CADM2: variants seen among roughly 807,000 people sequenced by gnomAD.
CADM2 encodes cell adhesion molecule 2, also known as immunoglobulin superfamily member 4D.
In CADM2, 12 loss-of-function variants were observed where a neutral mutation model predicts 49.8. The observed-to-expected ratio is 0.24, with a 90% CI of 0.15 to 0.39. The LOEUF (loss-of-function observed/expected upper bound fraction) is 0.39, where lower values mean the gene tolerates loss of function less well. CADM2 is among the 10% of genes least tolerant of loss of function. The probability of loss-of-function intolerance (pLI) is 1.00; values close to 1 mark genes in which losing one functional copy is unlikely to be tolerated. For synonymous variants in CADM2, 214 were observed against 175.4 expected, an observed-to-expected ratio of 1.22 and a Z score of -1.74; for missense variants, 378 against 492.3, an observed-to-expected ratio of 0.77 and a Z score of 2.20.
At position 85,445,140 on chromosome 3, in the gene CADM2, C is replaced by T. The variant is rs545212305; in HGVS notation, c.62-281382C>T. 9.9e-5 allele frequency among the ~76,000 whole-genome samples: 15 copies of T among 152,000 alleles called. No homozygotes were observed. In the South Asian group the frequency reaches 2.7e-3, roughly 27 times the overall value. ...ATCTTCGTTTTGTTGACGAGTAAAC[C>T]GAAACTTAGGGAATTTCAATGATTT... On this transcript the variant is annotated intron_variant, in intron 1 of 9. Coordinates refer to ENST00000383699, the MANE Select transcript of CADM2 (RefSeq NM_001167675.2).
At chr3:85,056,754 C>T (rs1374030834) in intron 1 of CADM2, among the ~76,000 whole-genome samples, 5 of 152,026 alleles carry the variant, frequency 3.3e-5, no homozygotes. Flanking sequence ...TTAATTACTT[C>T]TCATCTTCTG....
At chr3:85,434,892 T>A (rs1441300802) in intron 1 of CADM2, among the ~76,000 whole-genome samples, 2 of 152,160 alleles carry the variant, frequency 1.3e-5, no homozygotes, top group Non-Finnish European at 2.9e-5. Flanking sequence ...GTAATTTTTA[T>A]CCACTTAACA....
chr3:85,070,841 T>A (rs2036704853), intron 1 of CADM2, among the ~76,000 whole-genome samples: 2 of 151,700 alleles, frequency 1.3e-5, no homozygotes, highest in African/African-American at 4.8e-5. Context: ...TATAAAAAAA[T>A]AGCTGGGCTG....
intron 3 of CADM2, among the ~76,000 whole-genome samples, chr3:85,816,523 C>G (rs1273781500): frequency 6.6e-6 from 1 of 152,052 alleles, no homozygotes; most frequent in African/African-American, 2.4e-5. Flanking sequence ...TGTATAGACT[C>G]TATGCAGGGT....
chr3:85,387,701 T>C (rs981058140), intron 1 of CADM2, among the ~76,000 whole-genome samples: 1 of 152,198 alleles, frequency 6.6e-6, no homozygotes, highest in African/African-American at 2.4e-5. Flanking sequence ...TGCTATTATT[T>C]TGAAATATAT....
intron 1 of CADM2, among the ~76,000 whole-genome samples, chr3:85,025,937 C>T (rs6782644): frequency 0.13 from 19,650 of 151,986 alleles, 1,655 homozygotes; most frequent in Admixed American, 0.27. Context: ...ATGCCATGCT[C>T]AAAGAAATAA....
chr3:84,967,977 G>C (rs1251760922), intron 1 of CADM2, among the ~76,000 whole-genome samples: 1 of 152,018 alleles, frequency 6.6e-6, no homozygotes, highest in African/African-American at 2.4e-5. Flanking sequence ...ATTAGCATAT[G>C]CTAGGCTGAG....
intron 1 of CADM2, among the ~76,000 whole-genome samples, chr3:85,354,618 C>CGAGAGAGAGAGAG (rs1553712787): frequency 7.7e-6 from 1 of 130,158 alleles, no homozygotes; most frequent in Non-Finnish European, 1.6e-5. Flanking sequence ...GAATACCTAA[C>CGAGAGAGAGAGAG]AGAGAGAGAG....
At chr3:85,455,898 C>A (rs1410660311) in intron 1 of CADM2, among the ~76,000 whole-genome samples, 4 of 152,120 alleles carry the variant, frequency 2.6e-5, no homozygotes, top group Non-Finnish European at 5.9e-5. Context: ...GGATATTCTG[C>A]TTCATGATGA....
At chr3:85,210,291 T>C (rs2041746768) in intron 1 of CADM2, among the ~76,000 whole-genome samples, 2 of 152,200 alleles carry the variant, frequency 1.3e-5, no homozygotes, top group South Asian at 4.1e-4. Flanking sequence ...GATTTGTGTA[T>C]GTTGAACCAT....
At chr3:85,344,731 T>C (rs1335544026) in intron 1 of CADM2, among the ~76,000 whole-genome samples, 1 of 152,170 alleles carries the variant, frequency 6.6e-6, no homozygotes, top group Non-Finnish European at 1.5e-5. Flanking sequence ...GGTAACTTTA[T>C]AGAAAATTAT....
intron 2 of CADM2, among the ~76,000 whole-genome samples, chr3:85,760,180 T>G (rs1044753717): frequency 3.3e-5 from 5 of 152,150 alleles, no homozygotes; most frequent in Admixed American, 2.6e-4. Flanking sequence ...AAGAAATGTT[T>G]TTCTAAAAAT....
intron 8 of CADM2, among the ~76,000 whole-genome samples, chr3:86,035,527 C>T (rs989801158): frequency 2.6e-5 from 4 of 151,992 alleles, no homozygotes; most frequent in Non-Finnish European, 4.4e-5. Context: ...AATAAGAACG[C>T]ATATATAGTA....
intron 3 of CADM2, among the ~76,000 whole-genome samples, chr3:85,803,531 A>AGATAGATAGATC (rs2072202014): frequency 6.6e-6 from 1 of 151,472 alleles, no homozygotes; most frequent in African/African-American, 2.4e-5. Flanking sequence ...ATAGATAGAT[A>AGATAGATAGATC]GATCAATTGA....
intron 1 of CADM2, among the ~76,000 whole-genome samples, chr3:85,640,335 G>T (rs1441199893): frequency 6.6e-6 from 1 of 152,176 alleles, no homozygotes; most frequent in Non-Finnish European, 1.5e-5. Context: ...CCATGTTTAA[G>T]AAGTGATTCC....
intron 1 of CADM2, among the ~76,000 whole-genome samples, chr3:85,442,943 A>G (rs1407126192): frequency 6.6e-6 from 1 of 151,842 alleles, no homozygotes; most frequent in Non-Finnish European, 1.5e-5. Context: ...TTCCTGATAT[A>G]TTTAATATAT....
chr3:85,869,448 T>C (rs1386957396), intron 3 of CADM2, among the ~76,000 whole-genome samples: 1 of 152,116 alleles, frequency 6.6e-6, no homozygotes, highest in Non-Finnish European at 1.5e-5. Flanking sequence ...TACAATTAAA[T>C]GGTTTATAAA....
At chr3:85,424,075 T>G (rs2036290457) in intron 1 of CADM2, among the ~76,000 whole-genome samples, 1 of 152,154 alleles carries the variant, frequency 6.6e-6, no homozygotes, top group African/African-American at 2.4e-5. Context: ...ATTATTATAG[T>G]TGAAGGTGTA....
chr3:85,434,896 C>T (rs1326863217), intron 1 of CADM2, among the ~76,000 whole-genome samples: 2 of 152,066 alleles, frequency 1.3e-5, no homozygotes, highest in Admixed American at 6.6e-5. Flanking sequence ...TTTTTATCCA[C>T]TTAACAGTAG....
Sources: gnomAD v4.1 joint callset for allele counts (sites outside exome capture counted in the v4.1 genomes callset) on GRCh38, gnomAD v4.1.1 for gene constraint, MANE v1.5 for transcripts, NCBI Gene and HGNC (gene_info 2026-07-23, HGNC 2026-07-21) for gene names.